SPSB2: variants seen among roughly 807,000 people sequenced by gnomAD.
SPSB2 encodes SPRY domain-containing SOCS box protein 2.
Under a neutral mutation model 19.2 loss-of-function variants are expected in SPSB2, and 25 were observed. The observed-to-expected ratio is 1.30, with a 90% CI of 0.95 to 1.82. The LOEUF (loss-of-function observed/expected upper bound fraction) is 1.82. Ranked by LOEUF, SPSB2 falls within the 40% of genes most tolerant of loss-of-function variation. The pLI is 0.00. For missense variants in SPSB2, 413 were observed against 344.9 expected, an observed-to-expected ratio of 1.20 and a Z score of -1.56; for synonymous variants, 153 against 154.9, an observed-to-expected ratio of 0.99 and a Z score of 0.09.
At position 6,872,624 on chromosome 12, in the gene SPSB2, A is replaced by G. The variant is rs782261080; in HGVS notation, c.278T>C (p.Ile93Thr). 16 of 1,610,414 alleles carry G rather than the reference A, an allele frequency of 9.9e-6. No individual in the cohort carries two copies. The East Asian group carries it at 3.1e-4, about 31-fold the overall frequency. Residue 93 changes from isoleucine (I) to threonine (T), a missense_variant, in exon 2 of 3, where the codon ATC (isoleucine) becomes ACC (threonine). Ile to Thr is a moderately conservative substitution (Grantham distance 89). Transcript: ENST00000524270. ...GYSRGLHAWE[I>T]SWPLEQRGTH... ...GCCCCTCTGCTCTAGGGGCCAGCTG[A>G]TCTCCCAGGCGTGCAGGCCCCTTGA...
At chr12:6,871,803 A>T in intron 2 of SPSB2, 1 of 431,342 alleles carries the variant, frequency 2.3e-6, no homozygotes, top group Non-Finnish European at 4.1e-6. Flanking sequence ...GTGGCTGAGG[A>T]AGGAAGTAGG....
chr12:6,872,553 T>A lies in SPSB2; in HGVS notation c.349A>T (p.Thr117Ser). The A allele has an allele frequency of 3.7e-6, 6 of 1,610,392 alleles. No individual in the cohort carries two copies. Among genetic ancestry groups the A allele is most frequent in the Non-Finnish European group, 5.1e-6 (6 of 1,179,616 alleles). The change falls in exon 2 of 3, where the codon ACT (threonine) becomes TCT (serine). Residue 117 changes from threonine (T) to serine (S), a missense_variant. Transcript: ENST00000524270. ...GVATALAPLQTDHYAALLGSN... is the reference protein window; with the variant it reads ...GVATALAPLQSDHYAALLGSN... ...CCCAGCAGCGCCGCGTAGTGGTCAGTCTGCAGCGGGGCGAGGGCCGTGGCC... is the reference window on the plus strand; with the variant it reads ...CCCAGCAGCGCCGCGTAGTGGTCAGACTGCAGCGGGGCGAGGGCCGTGGCC...
intron 1 of SPSB2, 40 bp downstream of exon 1, chr12:6,873,206 C>A: frequency 3.3e-6 from 1 of 306,930 alleles, no homozygotes; most frequent in Non-Finnish European, 6.0e-6. Flanking sequence ...CATGGACCAT[C>A]CCCCTTACTC....
In SPSB2 at chr12:6,871,038, GCT is replaced by G. The variant is rs1445005041; in HGVS notation, c.*152_*153del. 5.6e-6 allele frequency: 5 copies of G among 891,548 alleles called. No homozygotes were observed. Among genetic ancestry groups the G allele is most frequent in the Non-Finnish European group, 8.7e-6 (5 of 574,792 alleles). 55.2% of individuals were successfully genotyped at this position (891,548 alleles called of 1,614,324 possible). On this transcript the variant is annotated 3_prime_UTR_variant, in exon 3 of 3. Coordinates refer to ENST00000524270, the MANE Select transcript of SPSB2 (RefSeq NM_032641.4). ...CTCCCTTTCTTCCTCCCTCCAAGTG[GCT>G]CTGGGGCTGTTGATTTCCGCAGAGC...
rs1944630421 is a variant in SPSB2 at position 6,872,932 on chromosome 12, G to A, written c.-31C>T. 7 of 1,456,218 alleles carry A rather than the reference G, an allele frequency of 4.8e-6. No individual in the cohort carries two copies. Among genetic ancestry groups the A allele is most frequent in the Non-Finnish European group, 6.5e-6 (7 of 1,078,702 alleles). The allele number at this position is 1,456,218 out of a possible 1,614,324, so 90.2% of individuals were successfully genotyped here. On this transcript the variant is annotated 5_prime_UTR_variant, in exon 2 of 3. Coordinates refer to ENST00000524270, the MANE Select transcript of SPSB2 (RefSeq NM_032641.4). ...TGAGGAGCTAGAGGACTCCCCGAAA[G>A]AGGCTTGCTGGGGCGTCTTTCTCTT...
rs1240343885 is a variant in SPSB2, at chr12:6,871,333, G to A, written c.665-14C>T. 6.2e-6 allele frequency: 10 copies of A among 1,609,468 alleles called. No homozygotes were observed. The highest frequency in any genetic ancestry group is 8.5e-6 in the Non-Finnish European group (10 of 1,177,760). On this transcript the variant is annotated splice_polypyrimidine_tract_variant and intron_variant, in intron 2 of 2. Coordinates refer to ENST00000524270, the MANE Select transcript of SPSB2 (RefSeq NM_032641.4). ...AGTGTGGCTCCGCTGGGAGAGAGAA[G>A]GAGGGGAATGTAAGTATGGGTGCAG...
chr12:6,872,289 C>G lies in SPSB2; in HGVS notation c.613G>C (p.Ala205Pro). 5 of 1,614,158 alleles carry G rather than the reference C, an allele frequency of 3.1e-6. No individual in the cohort carries two copies. In the South Asian group the frequency reaches 5.5e-5, roughly 18 times the overall value. ...CGGACCTGGCACTGGCCCCAGACAG[C>G]GCTTACTGCCGGATAGAGGGTCCTG... ...KGRTLYPAVS[A>P]VWGQCQVRIR... The change falls in exon 2 of 3, where the codon GCT becomes CCT. Residue 205 changes from alanine to proline, a missense_variant. By Grantham distance (27) the Ala-to-Pro change is conservative (BLOSUM62 -1). Transcript: ENST00000524270.
In SPSB2 at chr12:6,872,317, C is replaced by T; in HGVS notation, c.585G>A (p.Lys195=). 6.2e-7 allele frequency: 1 copy of T among 1,614,216 alleles called. No individual in the cohort carries two copies. Among genetic ancestry groups the T allele is most frequent in the South Asian group, 1.1e-5 (1 of 91,080 alleles). Residue 195 remains lysine (K), a synonymous_variant, in exon 2 of 3, where the codon AAG becomes AAA. Coordinates refer to ENST00000524270, the MANE Select transcript of SPSB2 (RefSeq NM_032641.4). ...TYLGPAFRGL[K]GRTLYPAVSA... Reference sequence around the variant, plus strand: ...TTACTGCCGGATAGAGGGTCCTGCCCTTCAGTCCGCGGAATGCTGGCCCCA... The same window carrying T: ...TTACTGCCGGATAGAGGGTCCTGCCTTTCAGTCCGCGGAATGCTGGCCCCA...
intron 2 of SPSB2, 102 bp from the exon 3 acceptor site, chr12:6,871,421 C>T (rs1236761793): frequency 8.5e-6 from 11 of 1,296,254 alleles, no homozygotes; most frequent in East Asian, 2.4e-5. Flanking sequence ...TTTCCTGCTT[C>T]GAGTGTGCCC....
intron 2 of SPSB2, 161 bp from the exon 3 acceptor site, chr12:6,871,480 A>T: frequency 1.3e-6 from 1 of 769,888 alleles, no homozygotes; most frequent in South Asian, 1.8e-5. Flanking sequence ...TGCCTCCCAG[A>T]TAAGATTTCA....
rs570248691 is a variant in SPSB2 at position 6,873,259 on chromosome 12, C to G, written c.-110G>C. The G allele has an allele frequency of 5.0e-4, 105 of 211,486 alleles. No individual in the cohort carries two copies. Among genetic ancestry groups the G allele is most frequent in the Non-Finnish European group, 8.4e-4 (90 of 106,570 alleles). 13.1% of individuals were successfully genotyped at this position (211,486 alleles called of 1,614,324 possible). A position where few individuals can be genotyped will look rare whatever the true frequency, so the allele number is the denominator to read the frequency against. On this transcript the variant is annotated 5_prime_UTR_variant, in exon 1 of 3. Coordinates refer to ENST00000524270, the MANE Select transcript of SPSB2 (RefSeq NM_032641.4). ...CTGCCCCCGAACCTCGGTTGACTTC[C>G]CAGCCCTGGAGGTCGCCGGGCCTCT...
At chr12:6,871,736 C>A in intron 2 of SPSB2, 1 of 349,400 alleles carries the variant, frequency 2.9e-6, no homozygotes. Context: ...TAAGGCCCTG[C>A]CTCCTCCACT....
At chr12:6,871,575 T>C (rs1555133478) in intron 2 of SPSB2, 4 of 541,516 alleles carry the variant, frequency 7.4e-6, no homozygotes, top group East Asian at 3.2e-5. Flanking sequence ...GTGGTGGAGC[T>C]GGCCCAGGCT....
Position 6,873,239 on chromosome 12 carries a change from C to G in SPSB2, c.-97+7G>C, listed in dbSNP as rs1262285389. On this transcript the variant is annotated splice_region_variant and intron_variant, in intron 1 of 2. Coordinates refer to ENST00000524270, the MANE Select transcript of SPSB2 (RefSeq NM_032641.4). Reference sequence around the variant, plus strand: ...CTCGCCCGGAGCCCTCGCCGCTGCCCCCGAACCTCGGTTGACTTCCCAGCC... The same window carrying G: ...CTCGCCCGGAGCCCTCGCCGCTGCCGCCGAACCTCGGTTGACTTCCCAGCC... The G allele has an allele frequency of 1.3e-5, 3 of 236,734 alleles. No individual in the cohort carries two copies. Among genetic ancestry groups the G allele is most frequent in the Non-Finnish European group, 2.5e-5 (3 of 122,058 alleles). The allele number at this position is 236,734 out of a possible 1,614,324, so 14.7% of individuals were successfully genotyped here. A position where few individuals can be genotyped will look rare whatever the true frequency, so the allele number is the denominator to read the frequency against.
At position 6,872,677 on chromosome 12, in the gene SPSB2, A is replaced by G; in HGVS notation, c.225T>C (p.Thr75=). 6.2e-7 allele frequency: 1 copy of G among 1,612,634 alleles called. No homozygotes were observed. The change falls in exon 2 of 3, where the codon ACT becomes ACC. Residue 75 remains threonine, a synonymous_variant. Coordinates refer to ENST00000524270, the MANE Select transcript of SPSB2 (RefSeq NM_032641.4). ...YFERRPVAQS[T]DGARGKRGYS... is the part of the protein sequence containing the mutation. ...AGCCCCTCTTACCCCGGGCCCCATC[A>G]GTGCTCTGGGCCACGGGCCGCCGCT...
At position 6,872,777 on chromosome 12, in the gene SPSB2, GC is replaced by G; in HGVS notation, c.124del (p.Ala42ProfsTer56). ...LLSAPPPDLG[A>X]QRRHGWNPKD... ...GGGGTTCCAACCGTGGCGCCGCTGG[GC>G]CCCCAGGTCAGGAGGGGGTGCAGAC... On this transcript the variant is annotated frameshift_variant, in exon 2 of 3. Transcript: ENST00000524270. LOFTEE classifies it high-confidence loss of function. 1 of 1,612,302 alleles carries G rather than the reference GC, an allele frequency of 6.2e-7. No individual in the cohort carries two copies. The highest frequency in any genetic ancestry group is 8.5e-7 in the Non-Finnish European group (1 of 1,179,992).
In SPSB2 at chr12:6,872,554, C is replaced by G; in HGVS notation, c.348G>C (p.Gln116His). 1.2e-6 allele frequency: 2 copies of G among 1,610,248 alleles called. No individual in the cohort carries two copies. Among genetic ancestry groups the G allele is most frequent in the South Asian group, 2.2e-5 (2 of 91,040 alleles). Residue 116 changes from glutamine (Q) to histidine (H), a missense_variant, in exon 2 of 3, where the codon CAG becomes CAC. Physicochemically the swap from Gln to His is conservative, Grantham distance 24. Transcript: ENST00000524270. Reference protein sequence around the residue: ...VGVATALAPLQTDHYAALLGS... With the variant: ...VGVATALAPLHTDHYAALLGS... ...CCAGCAGCGCCGCGTAGTGGTCAGTCTGCAGCGGGGCGAGGGCCGTGGCCA... is the reference window on the plus strand; with the variant it reads ...CCAGCAGCGCCGCGTAGTGGTCAGTGTGCAGCGGGGCGAGGGCCGTGGCCA...
Position 6,871,334 on chromosome 12 carries a change from G to T in SPSB2, c.665-15C>A, listed in dbSNP as rs375710108. On this transcript the variant is annotated splice_polypyrimidine_tract_variant and intron_variant, in intron 2 of 2. Coordinates refer to ENST00000524270, the MANE Select transcript of SPSB2 (RefSeq NM_032641.4). ...GTGTGGCTCCGCTGGGAGAGAGAAG[G>T]AGGGGAATGTAAGTATGGGTGCAGC... is the stretch of plus-strand genomic sequence containing the variant. The T allele has an allele frequency of 1.2e-6, 2 of 1,609,616 alleles. No individual in the cohort carries two copies.
At position 6,871,085 on chromosome 12, in the gene SPSB2, C is replaced by G; in HGVS notation, c.*107G>C. ...CAGAGCTTGGGTTGGGGTAGGGGCTCAGCCTCACCAGCTTTCAGCAGCTGG... is the reference window on the plus strand; with the variant it reads ...CAGAGCTTGGGTTGGGGTAGGGGCTGAGCCTCACCAGCTTTCAGCAGCTGG... On this transcript the variant is annotated 3_prime_UTR_variant, in exon 3 of 3. Coordinates refer to ENST00000524270, the MANE Select transcript of SPSB2 (RefSeq NM_032641.4). 1 of 1,429,086 alleles carries G rather than the reference C, an allele frequency of 7.0e-7. No homozygotes were observed. The allele number at this position is 1,429,086 out of a possible 1,614,324, so 88.5% of individuals were successfully genotyped here. A position where few individuals can be genotyped will look rare whatever the true frequency, so the allele number is the denominator to read the frequency against.
Sources: gnomAD v4.1 joint callset for allele counts on GRCh38, gnomAD v4.1.1 for gene constraint, MANE v1.5 for transcripts, NCBI Gene and HGNC (gene_info 2026-07-23, HGNC 2026-07-21) for gene names.